The following PRPF40B variants were observed in gnomAD, a reference collection of about 807,000 sequenced individuals.
The protein encoded by PRPF40B is pre-mRNA-processing factor 40 homolog B.
Under a neutral mutation model 124.5 loss-of-function variants are expected in PRPF40B, and 56 were observed. The observed-to-expected ratio is 0.45, with a 90% CI of 0.36 to 0.56. The LOEUF (loss-of-function observed/expected upper bound fraction) is 0.56. Among genes scored for constraint, PRPF40B ranks in the 20% least tolerant of loss-of-function variants. The pLI, the probability that PRPF40B is intolerant of heterozygous loss-of-function variation, is 0.00. For synonymous variants in PRPF40B, 443 were observed against 426.4 expected (o/e 1.04, Z -0.48); for missense variants, 1,053 against 1,169.5 (o/e 0.90, Z 1.45).
At chr12:49,636,424 C>T (rs1941812683) in intron 15 of PRPF40B, 1 of 465,632 alleles carries the variant, frequency 2.1e-6, no homozygotes, top group Admixed American at 3.4e-5. Context: ...TTCCCAGTTC[C>T]CTAAGGTGTG....
chr12:49,632,916 A>C, intron 6 of PRPF40B, 36 bp downstream of exon 6: 1 of 1,613,326 alleles, frequency 6.2e-7, no homozygotes, highest in Non-Finnish European at 8.5e-7. Context: ...CTGGGTAGAA[A>C]GCCTGAGAGT....
At chr12:49,622,775 G>A (rs974107758), upstream of PRPF40B, 1 of 152,294 alleles carries the variant, frequency 6.6e-6, no homozygotes, top group Non-Finnish European at 1.5e-5. Flanking sequence ...CCTTTTGCGG[G>A]GCTTTGCAGG....
chr12:49,641,505 T>A (rs1319550338), intron 18 of PRPF40B: 1 of 198,686 alleles, frequency 5.0e-6, no homozygotes. Flanking sequence ...TGGTACCTGG[T>A]ACATAGTAAG....
intron 10 of PRPF40B, 81 bp downstream of exon 10, chr12:49,634,173 C>G: frequency 6.3e-7 from 1 of 1,576,708 alleles, no homozygotes; most frequent in Non-Finnish European, 8.6e-7. Flanking sequence ...TGCTGGGCCT[C>G]TCTCTCAGGA....
At chr12:49,643,201 A>C (rs369382252) in intron 22 of PRPF40B, 22 bp from the exon 23 acceptor site, 2 of 1,613,366 alleles carry the variant, frequency 1.2e-6, no homozygotes, top group African/African-American at 2.7e-5. Context: ...CTGCACTGAC[A>C]TGTATCTGCT....
chr12:49,632,083 T>C, intron 4 of PRPF40B, 158 bp downstream of exon 4: 1 of 723,800 alleles, frequency 1.4e-6, no homozygotes. Context: ...TCGCCAGCCA[T>C]GTACTCAGCT....
intron 1 of PRPF40B, among the ~76,000 whole-genome samples, chr12:49,630,265 T>G (rs532818580): frequency 6.6e-6 from 1 of 152,320 alleles, no homozygotes; most frequent in Admixed American, 6.5e-5. Flanking sequence ...TGAAGCCTCC[T>G]TCATCTTTTC....
Position 49,633,419 on chromosome 12 carries a change from A to G in PRPF40B, c.460-8A>G. The stretch of plus-strand genomic sequence containing the variant: ...CCCACTGATGGCTCCTATCCCATCC[A>G]CTTGCAGCTGCTCCTGTCCCAATGT... On this transcript the variant is annotated splice_polypyrimidine_tract_variant and splice_region_variant and intron_variant, in intron 7 of 25. Coordinates refer to ENST00000548825, the MANE Select transcript of PRPF40B (RefSeq NM_001031698.3). 5.6e-6 allele frequency: 9 copies of G among 1,614,094 alleles called. No individual in the cohort carries two copies. Among genetic ancestry groups the G allele is most frequent in the Non-Finnish European group, 7.6e-6 (9 of 1,180,002 alleles).
intron 24 of PRPF40B, 45 bp from the exon 25 acceptor site, chr12:49,643,816 A>G: frequency 6.2e-7 from 1 of 1,613,916 alleles, no homozygotes; most frequent in Non-Finnish European, 8.5e-7. Context: ...CCTGCCTCCC[A>G]GGCTATCCAC....
rs768067170 is a variant in PRPF40B at position 49,635,981 on chromosome 12, C to T, written c.1414C>T (p.His472Tyr). ...GGATAACCCCAGCTTTGCTCAGGACCATCAGCTGCAGAGTAAGCCTGGGCC... is the reference window on the plus strand; with the variant it reads ...GGATAACCCCAGCTTTGCTCAGGACTATCAGCTGCAGAGTAAGCCTGGGCC... ...LMDNPSFAQD[H>Y]QLQNMDKEDA... is the part of the protein sequence containing the mutation. The change falls in exon 15 of 26, where the codon CAT becomes TAT. Residue 472 changes from histidine (H) to tyrosine (Y), a missense_variant. By Grantham distance (83) the His-to-Tyr change is moderately conservative (BLOSUM62 2). Coordinates refer to ENST00000548825, the MANE Select transcript of PRPF40B (RefSeq NM_001031698.3). This position sits in a 1 kb window ranked among gnomAD's most constrained non-coding sequence, Gnocchi z 4.1. 1.2e-6 allele frequency: 2 copies of T among 1,614,134 alleles called. No individual in the cohort carries two copies. Among genetic ancestry groups the T allele is most frequent in the South Asian group, 1.1e-5 (1 of 91,084 alleles).
Position 49,631,939 on chromosome 12 carries a change from G to A in PRPF40B, c.294+14G>A. 2 of 1,613,468 alleles carry A rather than the reference G, an allele frequency of 1.2e-6. No homozygotes were observed. Among genetic ancestry groups the A allele is most frequent in the Non-Finnish European group, 1.7e-6 (2 of 1,179,436 alleles). On this transcript the variant is annotated intron_variant, in intron 4 of 25. Coordinates refer to ENST00000548825, the MANE Select transcript of PRPF40B (RefSeq NM_001031698.3). This position sits in a 1 kb window ranked among gnomAD's most constrained non-coding sequence, Gnocchi z 4.3. ...GTCACCGCAGCGGTAAGCACTAGGG[G>A]CCAGCAGGTAGCAGGCTCTGCCCTG...
chr12:49,627,181 G>A (rs1240701190), intron 1 of PRPF40B, among the ~76,000 whole-genome samples: 2 of 152,042 alleles, frequency 1.3e-5, no homozygotes, highest in Admixed American at 6.6e-5. Context: ...TAGGGGCCAC[G>A]GATATTATAT....
At position 49,635,504 on chromosome 12, in the gene PRPF40B, C is replaced by T. The variant is rs1198125685; in HGVS notation, c.1275+31C>T. ...GGTCCCTGGGCAGAATCCTTCAGCC[C>T]ATCTCATCCTGGACTTTCCTTGTCT... On this transcript the variant is annotated intron_variant, in intron 14 of 25. Transcript: ENST00000548825. The surrounding 1 kb of genome is among the most constrained non-coding windows in gnomAD (Gnocchi z 4.1). 1.3e-6 allele frequency: 2 copies of T among 1,582,862 alleles called. No individual in the cohort carries two copies. The highest frequency in any genetic ancestry group is 1.7e-6 in the Non-Finnish European group (2 of 1,161,098).
At position 49,637,550 on chromosome 12, in the gene PRPF40B, T is replaced by A; in HGVS notation, c.1641T>A (p.Thr547=). 6.2e-7 allele frequency: 1 copy of A among 1,613,928 alleles called. No homozygotes were observed. Among genetic ancestry groups the A allele is most frequent in the Non-Finnish European group, 8.5e-7 (1 of 1,180,038 alleles). Residue 547 remains threonine (T), a synonymous_variant, in exon 17 of 26, where the codon ACT becomes ACA. Transcript: ENST00000548825. ...TWMELYPAVS[T]DVRFANMLGQ... ...TGGAGCTATATCCAGCAGTCAGCACTGATGTCCGCTTTGCCAACATGCTGG... is the reference window on the plus strand; with the variant it reads ...TGGAGCTATATCCAGCAGTCAGCACAGATGTCCGCTTTGCCAACATGCTGG...
rs1182055088 is a variant in PRPF40B at position 49,642,633 on chromosome 12, G to A, written c.2076G>A (p.Ser692=). The A allele has an allele frequency of 2.5e-6, 4 of 1,614,198 alleles. No individual in the cohort carries two copies. In the South Asian group the frequency reaches 3.3e-5, roughly 13 times the overall value. ...CCTTTGAGCAGATCACCCTGGAGTCGGAGCGGATCCGGCTCTTCCGGGAGT... is the reference window on the plus strand; with the variant it reads ...CCTTTGAGCAGATCACCCTGGAGTCAGAGCGGATCCGGCTCTTCCGGGAGT... The part of the protein sequence containing the change: ...DSAFEQITLE[S]ERIRLFREFL... Residue 692 remains serine (S), a synonymous_variant, in exon 21 of 26, where the codon TCG becomes TCA. Coordinates refer to ENST00000548825, the MANE Select transcript of PRPF40B (RefSeq NM_001031698.3). The surrounding 1 kb of genome is among the most constrained non-coding windows in gnomAD (Gnocchi z 5.8).
intron 25 of PRPF40B, 32 bp downstream of exon 25, chr12:49,644,036 C>T (rs1488205211): frequency 2.7e-5 from 43 of 1,614,026 alleles, no homozygotes; most frequent in Non-Finnish European, 3.1e-5. Context: ...CCAGTCAGCA[C>T]GCTGGTCAAG....
Position 49,638,637 on chromosome 12 carries a change from G to A in PRPF40B, c.1767+813G>A, listed in dbSNP as rs1269929357. ...AAAACAAAGAGCATATTTCTTTATGGAAGTGAAGATTCTAATGCATTTGAG... is the reference window on the plus strand; with the variant it reads ...AAAACAAAGAGCATATTTCTTTATGAAAGTGAAGATTCTAATGCATTTGAG... On this transcript the variant is annotated intron_variant, in intron 18 of 25. Transcript: ENST00000548825. 2.6e-5 allele frequency: 4 copies of A among 152,240 alleles called. No individual in the cohort carries two copies. The East Asian group carries it at 7.7e-4, about 29-fold the overall frequency. 9.4% of individuals were successfully genotyped at this position (152,240 alleles called of 1,614,324 possible). A position where few individuals can be genotyped will look rare whatever the true frequency, so the allele number is the denominator to read the frequency against.
At position 49,643,380 on chromosome 12, in the gene PRPF40B, C is replaced by T; in HGVS notation, c.2363C>T (p.Ser788Phe). 2 of 1,568,134 alleles carry T rather than the reference C, an allele frequency of 1.3e-6. No homozygotes were observed. Among genetic ancestry groups the T allele is most frequent in the African/African-American group, 1.4e-5 (1 of 73,306 alleles). The change falls in exon 23 of 26, where the codon TCC becomes TTC. Residue 788 changes from serine (S) to phenylalanine (F), a missense_variant. Coordinates refer to ENST00000548825, the MANE Select transcript of PRPF40B (RefSeq NM_001031698.3). ...AALGGRGSPS[S>F]HLLGADHGLR... ...CTTGGAGGACGGGGCTCCCCTTCCT[C>T]CCATCTTCTTGGAGCAGGTAAGCAG...
rs1942823454 is a variant in PRPF40B at position 49,642,602 on chromosome 12, A to T, written c.2045A>T (p.Asp682Val). 1.2e-6 allele frequency: 2 copies of T among 1,614,130 alleles called. No homozygotes were observed. The highest frequency in any genetic ancestry group is 4.5e-5 in the East Asian group (2 of 44,884). The change falls in exon 21 of 26, where the codon GAC becomes GTC. Residue 682 changes from aspartate (D) to valine (V), a missense_variant. Physicochemically the swap from Asp to Val is radical, Grantham distance 152. Transcript: ENST00000548825. The surrounding 1 kb of genome is among the most constrained non-coding windows in gnomAD (Gnocchi z 5.8). The part of the protein sequence containing the change: ...WEEVRERFVC[D>V]SAFEQITLES... ...AAGGTCCGTGAGCGTTTTGTGTGTG[A>T]CTCAGCCTTTGAGCAGATCACCCTG...
Sources: allele counts gnomAD v4.1 joint callset (sites outside exome capture counted in the v4.1 genomes callset), GRCh38; gene constraint gnomAD v4.1.1; non-coding constraint Gnocchi (gnomAD v3.1); transcripts MANE v1.5; gene names NCBI Gene and HGNC (gene_info 2026-07-23, HGNC 2026-07-21).